The following CBR4 variants were observed in gnomAD, a reference collection of about 807,000 sequenced individuals.
The protein encoded by CBR4 is carbonyl reductase 4, also known as 3-oxoacyl-[acyl-carrier-protein] reductase.
CBR4 carries 22 observed loss-of-function variants against 21.0 expected under a neutral mutation model. The observed-to-expected ratio is 1.05, with a 90% CI of 0.75 to 1.50. The LOEUF is 1.50. Among genes scored for constraint, CBR4 ranks in the 40% most tolerant of loss-of-function variants. CBR4 has a pLI of 0.00. For missense variants in CBR4, 302 were observed against 286.3 expected (o/e 1.05, Z -0.40); for synonymous variants, 100 against 104.4 (o/e 0.96, Z 0.26).
rs575635852 is a variant in CBR4 at position 168,966,642 on chromosome 4, A to G, written n.169+35429T>C. On this transcript the variant is annotated intron_variant and non_coding_transcript_variant, in intron 2 of 3. Coordinates refer to the CBR4 transcript ENST00000509108. ...AATTCCTTCAACCATTGTGGAAGAC[A>G]ATGTGGCGACTCAAGGATCTAGAAC... 2.0e-5 allele frequency among the ~76,000 whole-genome samples: 3 copies of G among 152,338 alleles called. No homozygotes were observed. The South Asian group carries it at 6.2e-4, about 32-fold the overall frequency.
chr4:168,905,608 T>C (rs1757564089), intron 2 of CBR4, among the ~76,000 whole-genome samples: 1 of 152,106 alleles, frequency 6.6e-6, no homozygotes, highest in South Asian at 2.1e-4. Flanking sequence ...CACAGCAAAC[T>C]CTTCACTGTT....
rs1379776161 is a variant in CBR4, at chr4:168,989,422, C to T, written c.*728G>A. The T allele has an allele frequency of 1.0e-6, 1 of 985,278 alleles. No homozygotes were observed. The highest frequency in any genetic ancestry group is 1.7e-5 in the African/African-American group (1 of 57,234). The allele number at this position is 985,278 out of a possible 1,614,324, so 61.0% of individuals were successfully genotyped here. ...CATTTAAATTTGCAGATTATTTTGT[C>T]TAGCTGCTCAATCAAGAGAAATACC... On this transcript the variant is annotated 3_prime_UTR_variant, in exon 5 of 5. Coordinates refer to ENST00000306193, the MANE Select transcript of CBR4 (RefSeq NM_032783.5).
At chr4:168,896,135 A>G (rs12509709) in intron 2 of CBR4, among the ~76,000 whole-genome samples, 128,490 of 151,538 alleles carry the variant, frequency 0.85, 54,672 homozygotes, top group East Asian at 1. Context: ...GCTTGAACCC[A>G]GGAGACAGAG....
intron 2 of CBR4, chr4:168,925,290 G>C: frequency 6.3e-7 from 1 of 1,591,416 alleles, no homozygotes; most frequent in Admixed American, 1.7e-5. Flanking sequence ...TATCATTCAG[G>C]AACTTTGAAT....
At chr4:168,922,311 T>C (rs927298476) in intron 2 of CBR4, among the ~76,000 whole-genome samples, 1 of 152,178 alleles carries the variant, frequency 6.6e-6, no homozygotes, top group Admixed American at 6.5e-5. Flanking sequence ...GGAAAGGTTT[T>C]TATACCATCC....
chr4:168,914,161 C>T, intron 2 of CBR4: 1 of 681,852 alleles, frequency 1.5e-6, no homozygotes. Flanking sequence ...AAGCCTGTGG[C>T]TCCTTGATTA....
chr4:168,965,728 T>C (rs182059339), intron 2 of CBR4, among the ~76,000 whole-genome samples: 3 of 152,304 alleles, frequency 2.0e-5, no homozygotes, highest in Non-Finnish European at 4.4e-5. Context: ...ATCCTTTCCT[T>C]ACACCGTATA....
Position 168,988,967 on chromosome 4 carries a change from T to C in CBR4, c.*1183A>G, listed in dbSNP as rs142798730. The C allele has an allele frequency of 3.1e-4, 301 of 983,482 alleles. 2 individuals carry two copies. In the East Asian group the frequency reaches 0.023, roughly 76 times the overall value. The allele number at this position is 983,482 out of a possible 1,614,324, so 60.9% of individuals were successfully genotyped here. On this transcript the variant is annotated 3_prime_UTR_variant, in exon 5 of 5. Coordinates refer to ENST00000306193, the MANE Select transcript of CBR4 (RefSeq NM_032783.5). The stretch of plus-strand genomic sequence containing the variant: ...GAGTGACACTGAAAATATCATACTA[T>C]TCCCGATAAAAAGAGTTTAATGCAA...
intron 2 of CBR4, among the ~76,000 whole-genome samples, chr4:168,957,758 A>G (rs1763728020): frequency 6.6e-6 from 1 of 152,030 alleles, no homozygotes; most frequent in Non-Finnish European, 1.5e-5. Context: ...TTCCCACCCA[A>G]ATGTTATCTT....
rs748402946 is a variant in CBR4 at position 168,926,580 on chromosome 4, T to C, written n.170-31815A>G. 10 of 497,392 alleles carry C rather than the reference T, an allele frequency of 2.0e-5. No homozygotes were observed. The highest frequency in any genetic ancestry group is 5.8e-5 in the African/African-American group (3 of 51,820). The allele number at this position is 497,392 out of a possible 1,614,324, so 30.8% of individuals were successfully genotyped here. A position where few individuals can be genotyped will look rare whatever the true frequency, so the allele number is the denominator to read the frequency against. On this transcript the variant is annotated intron_variant and non_coding_transcript_variant, in intron 2 of 3. Transcript: ENST00000509108. ...GATAATGCTAATACAAATATACACA[T>C]TGCACAGAAAATACACATTTACTGT...
intron 2 of CBR4, among the ~76,000 whole-genome samples, chr4:168,938,395 T>C (rs1463604715): frequency 2.6e-5 from 4 of 152,002 alleles, no homozygotes; most frequent in African/African-American, 9.7e-5. Flanking sequence ...AACATCCCTA[T>C]GAAAAGAACT....
intron 2 of CBR4, among the ~76,000 whole-genome samples, chr4:168,941,977 C>A (rs1582299002): frequency 6.6e-6 from 1 of 152,128 alleles, no homozygotes; most frequent in African/African-American, 2.4e-5. Context: ...GACTTGGGAA[C>A]CAACCCAAAT....
chr4:168,998,242 T>C (rs912833061), intron 4 of CBR4, among the ~76,000 whole-genome samples: 5 of 152,208 alleles, frequency 3.3e-5, no homozygotes, highest in Admixed American at 1.3e-4. Flanking sequence ...ATTACACTCA[T>C]ATACTTGCAA....
chr4:168,935,120 G>A (rs1763072528), intron 2 of CBR4, among the ~76,000 whole-genome samples: 1 of 152,324 alleles, frequency 6.6e-6, no homozygotes, highest in Non-Finnish European at 1.5e-5. Context: ...TGCAGCCCAT[G>A]GAGGGCGAGC....
intron 2 of CBR4, among the ~76,000 whole-genome samples, chr4:168,922,096 TATATATACACACACAC>T (rs1198311965): frequency 3.8e-5 from 4 of 104,890 alleles, no homozygotes; most frequent in African/African-American, 1.3e-4. Flanking sequence ...TATATATATA[TATATATACACACACAC>T]ACACACACAC....
chr4:168,994,188 C>A (rs564962584), intron 4 of CBR4, among the ~76,000 whole-genome samples: 1 of 152,150 alleles, frequency 6.6e-6, no homozygotes, highest in Non-Finnish European at 1.5e-5. Context: ...GTATTCCTTA[C>A]GGGAAACAAA....
intron 2 of CBR4, among the ~76,000 whole-genome samples, chr4:168,962,761 C>T (rs943572352): frequency 1.3e-5 from 2 of 152,058 alleles, no homozygotes; most frequent in African/African-American, 4.8e-5. Flanking sequence ...AATAAGAAGA[C>T]AGCCCAGGAC....
At chr4:168,934,273 C>CAAAAAAAAAAAAAAAAAAAAAAAA (rs1206272373) in intron 2 of CBR4, among the ~76,000 whole-genome samples, 1 of 10,666 alleles carries the variant, frequency 9.4e-5, no homozygotes, top group Non-Finnish European at 2.0e-4. Flanking sequence ...ACTAGAAAAG[C>CAAAAAAAAAAAAAAAAAAAAAAAA]AAAAAAAACA....
intron 2 of CBR4, among the ~76,000 whole-genome samples, chr4:168,923,166 A>G (rs1386401097): frequency 1.3e-5 from 2 of 152,228 alleles, no homozygotes; most frequent in African/African-American, 2.4e-5. Context: ...GTTCTTTGCA[A>G]AACTGGAGCC....
Sources: gnomAD v4.1 joint callset for allele counts (sites outside exome capture counted in the v4.1 genomes callset) on GRCh38, gnomAD v4.1.1 for gene constraint, MANE v1.5 for transcripts, NCBI Gene and HGNC (gene_info 2026-07-23, HGNC 2026-07-21) for gene names.